Variants in ENPP2 observed in about 807,000 individuals in gnomAD.
ENPP2 encodes the protein autotaxin.
Under a neutral mutation model 120.2 loss-of-function variants are expected in ENPP2, and 51 were observed. The observed-to-expected ratio is 0.42, with a 90% CI of 0.34 to 0.54. The LOEUF (loss-of-function observed/expected upper bound fraction) is 0.54. Ranked by LOEUF, ENPP2 falls within the 20% of genes least tolerant of loss-of-function variation. The pLI is 0.04. For missense variants in ENPP2, 920 were observed against 1,066.5 expected (o/e 0.86, Z 1.91); for synonymous variants, 365 against 366.4 (o/e 1.00, Z 0.04).
At chr8:119,590,820 G>C (rs1813443673) in intron 12 of ENPP2, among the ~76,000 whole-genome samples, 190 bp from the exon 13 acceptor site, 1 of 151,754 alleles carries the variant, frequency 6.6e-6, no homozygotes, top group Non-Finnish European at 1.5e-5. Flanking sequence ...CTTTTCTCTA[G>C]ACTTTTACTT....
chr8:119,664,432 G>A (rs894657476), intron 1 of ENPP2, among the ~76,000 whole-genome samples: 4 of 152,124 alleles, frequency 2.6e-5, no homozygotes, highest in African/African-American at 9.7e-5. Context: ...TCAGGGTCAA[G>A]GAGATAATGG....
intron 9 of ENPP2, among the ~76,000 whole-genome samples, chr8:119,605,344 G>T (rs1814629675): frequency 6.6e-6 from 1 of 151,876 alleles, no homozygotes; most frequent in Non-Finnish European, 1.5e-5. Flanking sequence ...GAGACTACAG[G>T]CATGAGCCCC....
chr8:119,640,769 A>G (rs1460899432), upstream of ENPP2, among the ~76,000 whole-genome samples: 1 of 151,938 alleles, frequency 6.6e-6, no homozygotes, highest in Non-Finnish European at 1.5e-5. Flanking sequence ...TTATTTTGAG[A>G]TGGAGTTTCA....
intron 1 of ENPP2, among the ~76,000 whole-genome samples, chr8:119,665,344 C>T (rs1818039370): frequency 1.3e-5 from 2 of 152,304 alleles, no homozygotes; most frequent in South Asian, 4.1e-4. Context: ...TGGACACCTT[C>T]CTGCTTGTTG....
intron 3 of ENPP2, among the ~76,000 whole-genome samples, chr8:119,623,246 G>C (rs375699978): frequency 6.6e-6 from 1 of 151,954 alleles, no homozygotes; most frequent in Admixed American, 6.6e-5. Context: ...CAGGTGGATC[G>C]TGAGGTCAGG....
intron 1 of ENPP2, among the ~76,000 whole-genome samples, chr8:119,671,970 T>G (rs1818263515): frequency 6.6e-6 from 1 of 152,004 alleles, no homozygotes; most frequent in Non-Finnish European, 1.5e-5. Context: ...AAAGGACCAA[T>G]AGTTCAAAAT....
At chr8:119,623,339 C>A (rs139233874) in intron 3 of ENPP2, among the ~76,000 whole-genome samples, 3,759 of 152,002 alleles carry the variant, frequency 0.025, 155 homozygotes, top group African/African-American at 0.085. Flanking sequence ...GTGGTGCATG[C>A]CTGTAATCCC....
At chr8:119,664,676 T>C (rs1563781825) in intron 1 of ENPP2, among the ~76,000 whole-genome samples, 1 of 152,162 alleles carries the variant, frequency 6.6e-6, no homozygotes, top group Non-Finnish European at 1.5e-5. Flanking sequence ...GCACGGTGGC[T>C]CACACCTGTT....
At chr8:119,560,454 T>C (rs1455878495) in intron 24 of ENPP2, among the ~76,000 whole-genome samples, 1 of 152,154 alleles carries the variant, frequency 6.6e-6, no homozygotes, top group Non-Finnish European at 1.5e-5. Flanking sequence ...CCCATTCCCA[T>C]CATTTATAAA....
chr8:119,625,941 A>G (rs1298782957), intron 3 of ENPP2, among the ~76,000 whole-genome samples: 1 of 152,240 alleles, frequency 6.6e-6, no homozygotes, highest in Non-Finnish European at 1.5e-5. Flanking sequence ...ACAGAATTCC[A>G]TAACAATTTT....
rs58061193 is a variant in ENPP2, at chr8:119,590,995, TAAAAAA to T, written c.1082-371_1082-366del. ...GTCTTTATGAAAAAGATCTATTCTT[TAAAAAA>T]AAAAAAAAAAAAAAACCCTAGGTTG... On this transcript the variant is annotated intron_variant, in intron 12 of 24. Transcript: ENST00000075322. 5.6e-4 allele frequency among the ~76,000 whole-genome samples: 62 copies of T among 109,956 alleles called. 2 individuals are homozygous for T. The highest frequency in any genetic ancestry group is 2.1e-3 in the African/African-American group (58 of 27,598). 72.1% of individuals were successfully genotyped at this position (109,956 alleles called of 152,430 possible). A position where few individuals can be genotyped will look rare whatever the true frequency, so the allele number is the denominator to read the frequency against.
At chr8:119,645,688 G>A (rs1666549889) in intron 1 of ENPP2, among the ~76,000 whole-genome samples, 1 of 151,904 alleles carries the variant, frequency 6.6e-6, no homozygotes, top group Admixed American at 6.5e-5. Flanking sequence ...GGTGGCACAT[G>A]CCTGTCATTC....
chr8:119,631,280 A>G (rs1405502927), intron 2 of ENPP2, among the ~76,000 whole-genome samples: 1 of 126,236 alleles, frequency 7.9e-6, no homozygotes, highest in African/African-American at 3.2e-5. Flanking sequence ...GCAGTGGCGC[A>G]ATCTTGGCTC....
chr8:119,628,884 A>C (rs773556516), intron 2 of ENPP2, among the ~76,000 whole-genome samples: 1 of 152,190 alleles, frequency 6.6e-6, no homozygotes. Context: ...AGGTTATGGA[A>C]TTACATTTAG....
intron 1 of ENPP2, 22 bp from the exon 2 acceptor site, chr8:119,638,549 G>A: frequency 7.2e-7 from 1 of 1,398,482 alleles, no homozygotes; most frequent in Non-Finnish European, 1.0e-6. Flanking sequence ...AAGAGACCAA[G>A]TTGTCAAATA....
intron 1 of ENPP2, among the ~76,000 whole-genome samples, chr8:119,661,240 G>T (rs561231389): frequency 1.0e-3 from 153 of 152,196 alleles, no homozygotes; most frequent in African/African-American, 3.6e-3. Context: ...CCTAGATAAC[G>T]GGTTGATAGT....
chr8:119,667,372 C>T (rs769760125), intron 1 of ENPP2, among the ~76,000 whole-genome samples: 1 of 152,134 alleles, frequency 6.6e-6, no homozygotes, highest in Non-Finnish European at 1.5e-5. Context: ...TTAGAAAATT[C>T]TTTATTGTAT....
At chr8:119,667,393 T>C (rs1400206014) in intron 1 of ENPP2, among the ~76,000 whole-genome samples, 1 of 152,212 alleles carries the variant, frequency 6.6e-6, no homozygotes, top group East Asian at 1.9e-4. Context: ...TGAGCTGAAA[T>C]GTATCTCCTT....
At chr8:119,648,819 G>A (rs747612022) in intron 1 of ENPP2, among the ~76,000 whole-genome samples, 2 of 152,182 alleles carry the variant, frequency 1.3e-5, no homozygotes, top group Non-Finnish European at 2.9e-5. Flanking sequence ...AAGATCAGGA[G>A]CAAGACAAAA....
Sources: gnomAD v4.1 joint callset for allele counts (sites outside exome capture counted in the v4.1 genomes callset) on GRCh38, gnomAD v4.1.1 for gene constraint, MANE v1.5 for transcripts, NCBI Gene and HGNC (gene_info 2026-07-23, HGNC 2026-07-21) for gene names.